ZMIZ1: variants seen among roughly 807,000 people sequenced by gnomAD.
ZMIZ1 encodes the protein zinc finger MIZ-type containing 1.
ZMIZ1 carries 17 observed loss-of-function variants against 113.9 expected under a neutral mutation model. The ratio of observed to expected loss-of-function variants is 0.15; its 90% CI spans 0.10 to 0.22. The LOEUF (loss-of-function observed/expected upper bound fraction) is 0.22. Ranked by LOEUF, ZMIZ1 falls within the 10% of genes least tolerant of loss-of-function variation. ZMIZ1 has a pLI of 1.00. For synonymous variants in ZMIZ1, 607 were observed against 603.1 expected (o/e 1.01, Z -0.09); for missense variants, 1,059 against 1,477.8 (o/e 0.72, Z 4.65).
intron 7 of ZMIZ1, among the ~76,000 whole-genome samples, chr10:79,225,603 G>T (rs1329430542): frequency 2.6e-5 from 4 of 152,066 alleles, no homozygotes; most frequent in Non-Finnish European, 4.4e-5. Flanking sequence ...GAGGTAAAGG[G>T]TGAAGGGGTT....
chr10:79,114,847 G>A (rs2132309048), intron 1 of ZMIZ1, among the ~76,000 whole-genome samples: 1 of 152,260 alleles, frequency 6.6e-6, no homozygotes, highest in East Asian at 1.9e-4. Context: ...CCCGGGTGGT[G>A]TCTTCCAGGT....
At chr10:79,299,017 T>C in intron 15 of ZMIZ1, 33 bp from the exon 16 acceptor site, 2 of 1,583,570 alleles carry the variant, frequency 1.3e-6, no homozygotes, top group South Asian at 1.2e-5. Flanking sequence ...CAGCTGAGGC[T>C]TGTGGCTCAC....
chr10:79,215,094 A>T (rs1848668770), intron 6 of ZMIZ1, among the ~76,000 whole-genome samples: 1 of 152,132 alleles, frequency 6.6e-6, no homozygotes, highest in Non-Finnish European at 1.5e-5. Flanking sequence ...CATTGCTGTT[A>T]TGGAAGCCCC....
At chr10:79,240,738 C>G (rs928774387) in intron 7 of ZMIZ1, among the ~76,000 whole-genome samples, 1 of 147,504 alleles carries the variant, frequency 6.8e-6, no homozygotes, top group Non-Finnish European at 1.5e-5. Context: ...TCTCCAGCCC[C>G]ACCCTATGAC....
At chr10:79,129,477 A>T (rs754074656) in intron 2 of ZMIZ1, among the ~76,000 whole-genome samples, 14 of 151,776 alleles carry the variant, frequency 9.2e-5, no homozygotes, top group Admixed American at 9.2e-4. Flanking sequence ...GCCCCTTCCC[A>T]CACCTCATAG....
At chr10:79,170,349 AT>A (rs1472971329) in intron 4 of ZMIZ1, among the ~76,000 whole-genome samples, 1 of 152,170 alleles carries the variant, frequency 6.6e-6, no homozygotes, top group Non-Finnish European at 1.5e-5. Context: ...ACATTCCCTG[AT>A]GTCCCCTCTA....
rs368670638 is a variant in ZMIZ1, at chr10:79,147,680, A to G, written c.-131+7903A>G. ...CCTGTGATCTTGTCATGAGCTGGCC[A>G]TTTCCCACCCCACTGCCATTCCAGG... On this transcript the variant is annotated intron_variant, in intron 3 of 24. Coordinates refer to ENST00000334512, the MANE Select transcript of ZMIZ1 (RefSeq NM_020338.4). Among the ~76,000 whole-genome samples, 16 of 152,228 alleles carry G rather than the reference A, an allele frequency of 1.1e-4. No homozygotes were observed. In the East Asian group the frequency reaches 2.3e-3, roughly 22 times the overall value.
At chr10:79,102,236 G>C (rs978833753) in intron 1 of ZMIZ1, among the ~76,000 whole-genome samples, 1 of 152,252 alleles carries the variant, frequency 6.6e-6, no homozygotes, top group Non-Finnish European at 1.5e-5. Flanking sequence ...GGCGTGCAGT[G>C]GGGAACGCAG....
rs897641042 is a variant in ZMIZ1, at chr10:79,228,692, C to T, written c.280+12418C>T. Among the ~76,000 whole-genome samples the T allele has an allele frequency of 2.0e-5, 3 of 152,368 alleles. No individual in the cohort carries two copies. The East Asian group carries it at 5.8e-4, about 29-fold the overall frequency. Reference sequence around the variant, plus strand: ...GGTCTCTGCCTGCAGGCCCCTAGCCCCTCCTTGCCTCCACCATTTCAGTGT... The same window carrying T: ...GGTCTCTGCCTGCAGGCCCCTAGCCTCTCCTTGCCTCCACCATTTCAGTGT... On this transcript the variant is annotated intron_variant, in intron 7 of 24. Coordinates refer to ENST00000334512, the MANE Select transcript of ZMIZ1 (RefSeq NM_020338.4).
intron 3 of ZMIZ1, among the ~76,000 whole-genome samples, chr10:79,147,692 A>T (rs1206246635): frequency 6.6e-6 from 1 of 152,054 alleles, no homozygotes; most frequent in East Asian, 1.9e-4. Context: ...TTCCCACCCC[A>T]CTGCCATTCC....
chr10:79,169,922 G>A (rs1268955410), intron 4 of ZMIZ1, among the ~76,000 whole-genome samples: 1 of 152,220 alleles, frequency 6.6e-6, no homozygotes, highest in Non-Finnish European at 1.5e-5. Flanking sequence ...GCATTTGTTA[G>A]CTCTGGACCC....
intron 4 of ZMIZ1, among the ~76,000 whole-genome samples, chr10:79,179,350 G>T (rs192657960): frequency 2.6e-4 from 40 of 152,352 alleles, no homozygotes; most frequent in African/African-American, 9.1e-4. Flanking sequence ...CACTCAGATG[G>T]GACCTAGTTA....
At chr10:79,083,387 A>G (rs1842720325) in intron 1 of ZMIZ1, among the ~76,000 whole-genome samples, 1 of 152,192 alleles carries the variant, frequency 6.6e-6, no homozygotes, top group South Asian at 2.1e-4. Context: ...TGGGAAAAGC[A>G]GGGAGGCCAG....
chr10:79,230,120 A>G (rs1849336914), intron 7 of ZMIZ1, among the ~76,000 whole-genome samples: 1 of 152,034 alleles, frequency 6.6e-6, no homozygotes, highest in Admixed American at 6.5e-5. Context: ...CGAGCAAAAC[A>G]GTTCTCTGCC....
intron 1 of ZMIZ1, among the ~76,000 whole-genome samples, chr10:79,108,925 C>CTGGG (rs1564655049): frequency 1.7e-4 from 26 of 152,026 alleles, no homozygotes; most frequent in African/African-American, 6.3e-4. Context: ...GCACCCAGAC[C>CTGGG]CACGCCTGAG....
chr10:79,076,363 G>A (rs1359158912), intron 1 of ZMIZ1, among the ~76,000 whole-genome samples: 1 of 152,166 alleles, frequency 6.6e-6, no homozygotes, highest in Non-Finnish European at 1.5e-5. Context: ...CTGAACCTTG[G>A]GGGTGGGGTT....
chr10:79,147,955 G>A (rs1016970116), intron 3 of ZMIZ1, among the ~76,000 whole-genome samples: 3 of 152,236 alleles, frequency 2.0e-5, no homozygotes, highest in African/African-American at 4.8e-5. Flanking sequence ...AGTGGCAGCT[G>A]CAGAGTGGGG....
intron 10 of ZMIZ1, 147 bp downstream of exon 10, chr10:79,291,323 A>T: frequency 9.4e-7 from 1 of 1,066,354 alleles, no homozygotes; most frequent in African/African-American, 1.6e-5. Flanking sequence ...GGGCTCAGTC[A>T]TCCCTGGCTC....
chr10:79,237,447 C>T (rs1425920818), intron 7 of ZMIZ1, among the ~76,000 whole-genome samples: 1 of 152,230 alleles, frequency 6.6e-6, no homozygotes. Context: ...CACTGTCTCA[C>T]AGTTCTGGAG....
Sources: allele counts gnomAD v4.1 joint callset (sites outside exome capture counted in the v4.1 genomes callset), GRCh38; gene constraint gnomAD v4.1.1; transcripts MANE v1.5; gene names NCBI Gene and HGNC (gene_info 2026-07-23, HGNC 2026-07-21).